The following NR2F1-AS1 variants were observed in gnomAD, a reference collection of about 807,000 sequenced individuals.
The protein encoded by NR2F1-AS1 is NR2F1 antisense RNA 1.
chr5:93,509,984 T>C (rs563513663), intron 4 of NR2F1-AS1, among the ~76,000 whole-genome samples: 139 of 152,128 alleles, frequency 9.1e-4, no homozygotes, highest in African/African-American at 3.2e-3. Context: ...AATATGCTTG[T>C]AGAGTTCCTA....
At chr5:93,443,160 C>T (rs1053486316) in intron 4 of NR2F1-AS1, among the ~76,000 whole-genome samples, 3 of 152,202 alleles carry the variant, frequency 2.0e-5, no homozygotes, top group African/African-American at 7.2e-5. Context: ...AATGCAGCTC[C>T]TCACCAGCAA....
intron 4 of NR2F1-AS1, among the ~76,000 whole-genome samples, chr5:93,512,874 G>A (rs749302953): frequency 1.3e-5 from 2 of 152,210 alleles, no homozygotes. Context: ...GTAGGTTTGC[G>A]TAAGTATACT....
intron 2 of NR2F1-AS1, among the ~76,000 whole-genome samples, chr5:93,561,867 AAC>A (rs779126831): frequency 2.0e-5 from 3 of 152,202 alleles, no homozygotes; most frequent in African/African-American, 4.8e-5. Flanking sequence ...CTAACTTTAA[AAC>A]AGACTTTGTT....
At chr5:93,524,411 G>A (rs910379817) in intron 4 of NR2F1-AS1, among the ~76,000 whole-genome samples, 7 of 152,278 alleles carry the variant, frequency 4.6e-5, no homozygotes, top group Middle Eastern at 3.4e-3. Flanking sequence ...GAGCAGAATG[G>A]AACCAAGTTA....
upstream of NR2F1-AS1, among the ~76,000 whole-genome samples, chr5:93,581,735 C>CCTCTCCCTCT (rs1561519336): frequency 7.5e-5 from 2 of 26,778 alleles, no homozygotes; most frequent in African/African-American, 6.4e-4. Context: ...TCTCTCTCTC[C>CCTCTCCCTCT]CCCTCTCCCT....
chr5:93,459,439 G>C (rs1750041719), intron 4 of NR2F1-AS1, among the ~76,000 whole-genome samples: 1 of 152,072 alleles, frequency 6.6e-6, no homozygotes. Context: ...CAAATGATAA[G>C]ACTTTGAGGC....
intron 4 of NR2F1-AS1, among the ~76,000 whole-genome samples, chr5:93,526,511 C>T (rs1751618649): frequency 6.6e-6 from 1 of 152,118 alleles, no homozygotes. Context: ...CAGGGTCATC[C>T]TGATACCAAA....
At chr5:93,545,011 G>A (rs912938932) in intron 4 of NR2F1-AS1, 1 of 151,454 alleles carries the variant, frequency 6.6e-6, no homozygotes, top group African/African-American at 2.4e-5. Flanking sequence ...ACTACAAAGA[G>A]TTTGCACCTA....
At chr5:93,447,144 C>A (rs1749730485) in intron 4 of NR2F1-AS1, among the ~76,000 whole-genome samples, 1 of 151,914 alleles carries the variant, frequency 6.6e-6, no homozygotes, top group African/African-American at 2.4e-5. Flanking sequence ...TAGGCATGGG[C>A]AAGGACTTCA....
chr5:93,483,210 A>G (rs1180196564), intron 4 of NR2F1-AS1, among the ~76,000 whole-genome samples: 1 of 152,042 alleles, frequency 6.6e-6, no homozygotes, highest in African/African-American at 2.4e-5. Flanking sequence ...TCTGGCTGGG[A>G]TATGGTGGAA....
intron 4 of NR2F1-AS1, among the ~76,000 whole-genome samples, chr5:93,544,452 C>T (rs1260541923): frequency 1.3e-5 from 2 of 152,064 alleles, no homozygotes; most frequent in African/African-American, 2.4e-5. Flanking sequence ...GGAGAAGAAA[C>T]AGACATCTCA....
chr5:93,441,501 T>A (rs1561438350), intron 4 of NR2F1-AS1, among the ~76,000 whole-genome samples: 1 of 152,082 alleles, frequency 6.6e-6, no homozygotes, highest in Non-Finnish European at 1.5e-5. Flanking sequence ...GGCCTGGAGG[T>A]CATTAGTCGG....
intron 4 of NR2F1-AS1, among the ~76,000 whole-genome samples, chr5:93,474,657 G>A (rs560393419): frequency 7.2e-5 from 11 of 152,162 alleles, no homozygotes; most frequent in African/African-American, 2.2e-4. Context: ...GTTCTCTTGG[G>A]GTGTATTTTT....
intron 4 of NR2F1-AS1, among the ~76,000 whole-genome samples, chr5:93,436,154 T>A (rs1749426705): frequency 1.3e-5 from 2 of 152,242 alleles, no homozygotes; most frequent in Admixed American, 6.5e-5. Flanking sequence ...AAAATCTGTT[T>A]AAATTGTAAC....
chr5:93,429,856 A>G (rs1749273694), intron 4 of NR2F1-AS1, among the ~76,000 whole-genome samples: 1 of 152,210 alleles, frequency 6.6e-6, no homozygotes, highest in African/African-American at 2.4e-5. Context: ...GGTTTCTGTG[A>G]CTTGGTTTCA....
rs1400894243 is a variant in NR2F1-AS1, at chr5:93,441,728, G to C, written n.639-46186C>G. On this transcript the variant is annotated intron_variant and non_coding_transcript_variant, in intron 4 of 5. Coordinates refer to ENST00000660523, the Ensembl canonical transcript of NR2F1-AS1. ...CTAGGAATGACTCTGCAACTTTAAA[G>C]CTTCCTGAGCCTTGGCTTCCTCTTT... Among the ~76,000 whole-genome samples, 3 of 152,198 alleles carry C rather than the reference G, an allele frequency of 2.0e-5. No individual in the cohort carries two copies. The South Asian group carries it at 6.2e-4, about 32-fold the overall frequency.
intron 4 of NR2F1-AS1, among the ~76,000 whole-genome samples, chr5:93,433,277 C>T (rs1749363710): frequency 6.6e-6 from 1 of 152,120 alleles, no homozygotes. Context: ...AACTAGAATT[C>T]CCTTGTAGCC....
At chr5:93,567,703 C>T (rs1359906148) in intron 1 of NR2F1-AS1, among the ~76,000 whole-genome samples, 1 of 152,110 alleles carries the variant, frequency 6.6e-6, no homozygotes, top group African/African-American at 2.4e-5. Context: ...CAACTTACAC[C>T]AACACTGAGA....
intron 4 of NR2F1-AS1, among the ~76,000 whole-genome samples, chr5:93,416,188 T>C (rs1748964239): frequency 6.6e-6 from 1 of 152,194 alleles, no homozygotes; most frequent in African/African-American, 2.4e-5. Context: ...TCTCTCCCAA[T>C]GAATGGAATG....
Sources: gnomAD v4.1 joint callset for allele counts (sites outside exome capture counted in the v4.1 genomes callset) on GRCh38, gnomAD v4.1.1 for gene constraint, MANE v1.5 for transcripts, NCBI Gene and HGNC (gene_info 2026-07-23, HGNC 2026-07-21) for gene names.